SAMD8: variants seen among roughly 807,000 people sequenced by gnomAD.
SAMD8 encodes the protein sterile alpha motif domain containing 8.
SAMD8 carries 20 observed loss-of-function variants against 42.0 expected under a neutral mutation model. The observed-to-expected ratio is 0.48, with a 90% CI of 0.34 to 0.69. SAMD8 has a LOEUF of 0.69. Among genes scored for constraint, SAMD8 ranks in the 30% least tolerant of loss-of-function variants. SAMD8 has a pLI of 0.01. For missense variants in SAMD8, 328 were observed against 511.6 expected, an observed-to-expected ratio of 0.64 and a Z score of 3.46; for synonymous variants, 162 against 173.0, an observed-to-expected ratio of 0.94 and a Z score of 0.50.
At chr10:75,149,339 A>G (rs1459714113) in intron 1 of SAMD8, among the ~76,000 whole-genome samples, 7 of 152,242 alleles carry the variant, frequency 4.6e-5, no homozygotes, top group Non-Finnish European at 1.0e-4. Flanking sequence ...TTTTTAAAAC[A>G]TAGCACCTTA....
intron 4 of SAMD8, among the ~76,000 whole-genome samples, chr10:75,172,521 G>A (rs1366602927): frequency 3.3e-5 from 5 of 150,954 alleles, no homozygotes; most frequent in African/African-American, 9.7e-5. Flanking sequence ...TTTTTTAGAC[G>A]GAGTCTTTCT....
chr10:75,181,073 C>T lies in SAMD8; in HGVS notation c.*4381C>T, dbSNP rs1841073836. 1 of 152,084 alleles carries T rather than the reference C, an allele frequency of 6.6e-6. No homozygotes were observed. The highest frequency in any genetic ancestry group is 1.5e-5 in the Non-Finnish European group (1 of 68,002). The allele number at this position is 152,084 out of a possible 1,614,324, so 9.4% of individuals were successfully genotyped here. A position where few individuals can be genotyped will look rare whatever the true frequency, so the allele number is the denominator to read the frequency against. On this transcript the variant is annotated 3_prime_UTR_variant, in exon 6 of 6. Transcript: ENST00000542569. ...ATACTAAAGGTAATGATAATATAGT[C>T]ATTTGCCAGTACTTTAAGGTATTCA...
chr10:75,161,762 T>C (rs1321110883), intron 2 of SAMD8, among the ~76,000 whole-genome samples: 1 of 151,094 alleles, frequency 6.6e-6, no homozygotes, highest in Non-Finnish European at 1.5e-5. Context: ...GGTTTACACC[T>C]GTAATCCTTT....
chr10:75,130,261 G>A (rs1347958250), intron 1 of SAMD8, among the ~76,000 whole-genome samples: 2 of 152,054 alleles, frequency 1.3e-5, no homozygotes, highest in Admixed American at 1.3e-4. Context: ...CAGCACTTTG[G>A]TAGGCCGAGG....
intron 1 of SAMD8, among the ~76,000 whole-genome samples, chr10:75,143,267 C>T (rs1840063330): frequency 6.6e-6 from 1 of 152,246 alleles, no homozygotes; most frequent in African/African-American, 2.4e-5. Flanking sequence ...GGTCATGCCA[C>T]TGCACTCCAG....
rs202162176 is a variant in SAMD8 at position 75,146,272 on chromosome 10, C to CTTT, written c.-15-4216_-15-4214dup. Among the ~76,000 whole-genome samples, 15 of 68,142 alleles carry CTTT rather than the reference C, an allele frequency of 2.2e-4. 1 individual carries two copies. Among genetic ancestry groups the CTTT allele is most frequent in the African/African-American group, 2.8e-4 (4 of 14,426 alleles). 44.7% of individuals were successfully genotyped at this position (68,142 alleles called of 152,430 possible). A position where few individuals can be genotyped will look rare whatever the true frequency, so the allele number is the denominator to read the frequency against. Reference sequence around the variant, plus strand: ...TTTCCTGATGTCCAGTGTCTTGACACTTTTTTTTTTTTTTTTTTTTTTTTT... The same window carrying CTTT: ...TTTCCTGATGTCCAGTGTCTTGACACTTTTTTTTTTTTTTTTTTTTTTTTTTTT... On this transcript the variant is annotated intron_variant, in intron 1 of 5. Transcript: ENST00000542569.
At chr10:75,116,160 C>T (rs1848877152) in intron 1 of SAMD8, among the ~76,000 whole-genome samples, 1 of 151,608 alleles carries the variant, frequency 6.6e-6, no homozygotes, top group Admixed American at 6.6e-5. Flanking sequence ...AATACAGTGG[C>T]GCGATCATGG....
chr10:75,150,764 A>G lies in SAMD8; in HGVS notation c.236A>G (p.His79Arg). ...MLSVRKLQKI[H>R]IDVLEEMGYN... ...TCAGTCCGAAAATTGCAGAAAATACATATTGATGTTTTAGAAGAGATGGGC... is the reference window on the plus strand; with the variant it reads ...TCAGTCCGAAAATTGCAGAAAATACGTATTGATGTTTTAGAAGAGATGGGC... Residue 79 changes from histidine to arginine, a missense_variant, in exon 2 of 6, where the codon CAT becomes CGT. Physicochemically the swap from His to Arg is conservative, Grantham distance 29. Transcript: ENST00000542569. 2 of 1,614,200 alleles carry G rather than the reference A, an allele frequency of 1.2e-6. No individual in the cohort carries two copies.
At chr10:75,107,919 T>G (rs1250016011), upstream of SAMD8, 3 of 1,485,388 alleles carry the variant, frequency 2.0e-6, no homozygotes, top group Admixed American at 6.1e-5. Flanking sequence ...AGGGCACTGA[T>G]GACTGAGAGG....
chr10:75,102,302 G>C (rs1054598363), intron 1 of SAMD8, among the ~76,000 whole-genome samples: 4 of 152,286 alleles, frequency 2.6e-5, no homozygotes, highest in African/African-American at 7.2e-5. Flanking sequence ...GGCTAGCCGG[G>C]CGTGGTGGTG....
At chr10:75,136,568 G>A (rs1285810702) in intron 1 of SAMD8, among the ~76,000 whole-genome samples, 1 of 152,132 alleles carries the variant, frequency 6.6e-6, no homozygotes, top group African/African-American at 2.4e-5. Context: ...ATCAGTCAGG[G>A]TTCACTTGCA....
intron 4 of SAMD8, among the ~76,000 whole-genome samples, chr10:75,173,944 AT>A (rs1329561520): frequency 6.6e-6 from 1 of 152,260 alleles, no homozygotes; most frequent in Non-Finnish European, 1.5e-5. Flanking sequence ...AAATCACTTC[AT>A]AGGATTGCTG....
chr10:75,173,981 A>C (rs1189635092), intron 4 of SAMD8, among the ~76,000 whole-genome samples: 1 of 152,208 alleles, frequency 6.6e-6, no homozygotes, highest in African/African-American at 2.4e-5. Context: ...GTAACATATA[A>C]AGCACTTAGC....
upstream of SAMD8, among the ~76,000 whole-genome samples, chr10:75,108,472 C>T (rs1326723023): frequency 6.6e-6 from 1 of 152,150 alleles, no homozygotes; most frequent in African/African-American, 2.4e-5. Context: ...TTGGCCAGGA[C>T]AGGAAGGAAG....
In SAMD8 at chr10:75,129,836, A is replaced by G. The variant is rs929558846; in HGVS notation, c.-16+18114A>G. 3.9e-5 allele frequency among the ~76,000 whole-genome samples: 6 copies of G among 152,320 alleles called. No individual in the cohort carries two copies. In the South Asian group the frequency reaches 1.2e-3, roughly 32 times the overall value. ...AGGAAATAAACAACTAGGTAAATCT[A>G]GAATACAGGTTATTCTACAAAGAAC... is the stretch of plus-strand genomic sequence containing the variant. On this transcript the variant is annotated intron_variant, in intron 1 of 5. Transcript: ENST00000542569.
At chr10:75,175,186 AC>A (rs1840963528) in intron 4 of SAMD8, among the ~76,000 whole-genome samples, 1 of 152,154 alleles carries the variant, frequency 6.6e-6, no homozygotes, top group Non-Finnish European at 1.5e-5. Flanking sequence ...CTTCCCAGAA[AC>A]CCTTAACACT....
chr10:75,107,913 C>T (rs557621684), upstream of SAMD8: 1 of 1,445,890 alleles, frequency 6.9e-7, no homozygotes, highest in East Asian at 2.5e-5. Context: ...GATGGGAGGG[C>T]ACTGATGACT....
chr10:75,111,250 G>C (rs1848760093), upstream of SAMD8, among the ~76,000 whole-genome samples: 1 of 152,246 alleles, frequency 6.6e-6, no homozygotes, highest in Non-Finnish European at 1.5e-5. Flanking sequence ...GAGGAATTCG[G>C]ATTACCTCCT....
At chr10:75,144,188 T>G (rs1373569294) in intron 1 of SAMD8, among the ~76,000 whole-genome samples, 1 of 101,650 alleles carries the variant, frequency 9.8e-6, no homozygotes, top group Admixed American at 1.1e-4. Flanking sequence ...CAGGATGGTC[T>G]CCATCTCTTG....
Sources: gnomAD v4.1 joint callset for allele counts (sites outside exome capture counted in the v4.1 genomes callset) on GRCh38, gnomAD v4.1.1 for gene constraint, MANE v1.5 for transcripts, NCBI Gene and HGNC (gene_info 2026-07-23, HGNC 2026-07-21) for gene names.